Variants in TMEM232 observed in about 807,000 individuals in gnomAD.
The protein encoded by TMEM232 is transmembrane protein 232.
TMEM232 carries 80 observed loss-of-function variants against 78.8 expected under a neutral mutation model. That is an observed-to-expected ratio of 1.01 (90% CI 0.85 to 1.22). TMEM232 has a LOEUF of 1.22. Among genes scored for constraint, TMEM232 ranks in the 50% most tolerant of loss-of-function variants. The pLI, the probability that TMEM232 is intolerant of heterozygous loss-of-function variation, is 0.00. For missense variants in TMEM232, 881 were observed against 742.2 expected, an observed-to-expected ratio of 1.19 and a Z score of -2.17; for synonymous variants, 297 against 254.3, an observed-to-expected ratio of 1.17 and a Z score of -1.60.
At position 110,520,050 on chromosome 5, in the gene TMEM232, T is replaced by TATATATATAG. The variant is rs374219408; in HGVS notation, c.1703+8537_1703+8538insCTATATATAT. On this transcript the variant is annotated intron_variant, in intron 12 of 13. Transcript: ENST00000455884. ...TTATATATTTATGTATATATATATATAGAGAGAGAGAGAGAGAGGATTAGG... is the reference window on the plus strand; with the variant it reads ...TTATATATTTATGTATATATATATATATATATATAGAGAGAGAGAGAGAGAGAGGATTAGG... Among the ~76,000 whole-genome samples the TATATATATAG allele has an allele frequency of 7.4e-3, 1,089 of 147,216 alleles. 26 individuals carry two copies. The highest frequency in any genetic ancestry group is 0.026 in the African/African-American group (1,030 of 39,850).
At chr5:110,599,103 T>C (rs1160701254) in intron 10 of TMEM232, among the ~76,000 whole-genome samples, 1 of 152,078 alleles carries the variant, frequency 6.6e-6, no homozygotes, top group Non-Finnish European at 1.5e-5. Context: ...TAAAATCCTT[T>C]AGAGACAAGG....
chr5:110,712,486 T>C (rs1796593212), intron 1 of TMEM232, among the ~76,000 whole-genome samples: 1 of 152,076 alleles, frequency 6.6e-6, no homozygotes, highest in Non-Finnish European at 1.5e-5. Context: ...CAAAAAGTCA[T>C]ATAAAAAGGT....
intron 10 of TMEM232, among the ~76,000 whole-genome samples, chr5:110,587,948 T>C (rs189729960): frequency 2.1e-4 from 32 of 150,694 alleles, no homozygotes; most frequent in Middle Eastern, 3.4e-3. Flanking sequence ...TGCTAACACA[T>C]ATATATATAT....
At chr5:110,523,739 G>T (rs1000793038) in intron 12 of TMEM232, among the ~76,000 whole-genome samples, 2 of 151,900 alleles carry the variant, frequency 1.3e-5, no homozygotes, top group African/African-American at 4.8e-5. Context: ...AACTGCTTGA[G>T]CCCAGGAGTT....
At chr5:110,406,305 CAT>C (rs1554072899) in intron 2 of TMEM232, among the ~76,000 whole-genome samples, 17 of 145,676 alleles carry the variant, frequency 1.2e-4, no homozygotes, top group African/African-American at 2.1e-4. Context: ...CACACACACA[CAT>C]ATGTGTCTAT....
chr5:110,448,911 A>T (rs1179148239), intron 12 of TMEM232, among the ~76,000 whole-genome samples: 3 of 152,016 alleles, frequency 2.0e-5, no homozygotes, highest in African/African-American at 7.2e-5. Flanking sequence ...ACAAGACATA[A>T]TACAAAACAA....
intron 6 of TMEM232, among the ~76,000 whole-genome samples, chr5:110,626,124 G>A (rs1784394401): frequency 6.6e-6 from 1 of 151,822 alleles, no homozygotes; most frequent in Non-Finnish European, 1.5e-5. Flanking sequence ...GCAACCTAAG[G>A]CTCTATTATA....
intron 1 of TMEM232, among the ~76,000 whole-genome samples, chr5:110,709,050 G>A (rs1030551355): frequency 6.6e-6 from 1 of 152,070 alleles, no homozygotes; most frequent in South Asian, 2.1e-4. Flanking sequence ...GATATTCCAC[G>A]TGAATGAAAA....
chr5:110,446,872 G>A (rs1042080186), intron 12 of TMEM232, among the ~76,000 whole-genome samples: 18 of 151,866 alleles, frequency 1.2e-4, no homozygotes, highest in African/African-American at 4.1e-4. Flanking sequence ...ATATGGTTAA[G>A]GATCCTGAAA....
chr5:110,688,261 A>AT (rs1793674843), intron 1 of TMEM232, among the ~76,000 whole-genome samples: 1 of 152,170 alleles, frequency 6.6e-6, no homozygotes, highest in South Asian at 2.1e-4. Context: ...ATAGATGAAG[A>AT]TTTTCTTCCA....
At chr5:110,673,084 A>C (rs1159140086) in intron 1 of TMEM232, among the ~76,000 whole-genome samples, 2 of 152,206 alleles carry the variant, frequency 1.3e-5, no homozygotes, top group African/African-American at 2.4e-5. Context: ...CTGGATTAAG[A>C]AAATGTGGCA....
chr5:110,516,757 C>G (rs1768726092), intron 12 of TMEM232, among the ~76,000 whole-genome samples: 1 of 152,002 alleles, frequency 6.6e-6, no homozygotes, highest in South Asian at 2.1e-4. Context: ...GCAAGCCATT[C>G]AGAGCAAAAC....
intron 10 of TMEM232, among the ~76,000 whole-genome samples, chr5:110,577,026 G>C (rs553028905): frequency 1.3e-5 from 2 of 152,156 alleles, no homozygotes; most frequent in African/African-American, 4.8e-5. Flanking sequence ...AGCAAAACTT[G>C]AGAAATGGAA....
At chr5:110,487,209 G>A (rs1448333920) in intron 12 of TMEM232, among the ~76,000 whole-genome samples, 1 of 152,032 alleles carries the variant, frequency 6.6e-6, no homozygotes, top group South Asian at 2.1e-4. Flanking sequence ...GGAGCTTTCT[G>A]GAGGAGTCTT....
chr5:110,500,288 CAA>C (rs773716425), intron 12 of TMEM232, among the ~76,000 whole-genome samples: 4 of 70,734 alleles, frequency 5.7e-5, no homozygotes, highest in Admixed American at 1.5e-4. Flanking sequence ...GACTCTGTCT[CAA>C]AAAAAAAAAA....
At chr5:110,691,519 A>G (rs1243226081) in intron 1 of TMEM232, among the ~76,000 whole-genome samples, 2 of 152,232 alleles carry the variant, frequency 1.3e-5, no homozygotes, top group African/African-American at 4.8e-5. Flanking sequence ...TGGAAATAAA[A>G]TTCTAAAAGT....
chr5:110,551,519 G>A (rs578246126), intron 11 of TMEM232, among the ~76,000 whole-genome samples: 260 of 152,208 alleles, frequency 1.7e-3, no homozygotes, highest in African/African-American at 5.8e-3. Flanking sequence ...CACCGCGCCA[G>A]GACACGTCTA....
intron 2 of TMEM232, among the ~76,000 whole-genome samples, chr5:110,657,198 CA>C (rs1789194419): frequency 6.6e-6 from 1 of 152,010 alleles, no homozygotes; most frequent in South Asian, 2.1e-4. Context: ...GGAGGTTCCT[CA>C]AAAAACTAAA....
intron 1 of TMEM232, among the ~76,000 whole-genome samples, chr5:110,677,709 T>C (rs551352786): frequency 6.6e-6 from 1 of 152,190 alleles, no homozygotes; most frequent in Non-Finnish European, 1.5e-5. Flanking sequence ...TTATAGGAAC[T>C]GGCTGCTGGT....
Sources: gnomAD v4.1 joint callset for allele counts (sites outside exome capture counted in the v4.1 genomes callset) on GRCh38, gnomAD v4.1.1 for gene constraint, MANE v1.5 for transcripts, NCBI Gene and HGNC (gene_info 2026-07-23, HGNC 2026-07-21) for gene names.